Variants in CHRM3 observed in about 807,000 individuals in gnomAD.
CHRM3 encodes muscarinic acetylcholine receptor M3.
In CHRM3, 11 loss-of-function variants were observed where a neutral mutation model predicts 41.8. The observed-to-expected ratio is 0.26, with a 90% CI of 0.17 to 0.44. CHRM3 has a LOEUF of 0.44. Among genes scored for constraint, CHRM3 ranks in the 20% least tolerant of loss-of-function variants. The pLI is 1.00. For missense variants in CHRM3, 571 were observed against 745.4 expected (o/e 0.77, Z 2.72); for synonymous variants, 297 against 301.4 (o/e 0.99, Z 0.15).
chr1:239,463,728 A>AT (rs1345092619), intron 1 of CHRM3, among the ~76,000 whole-genome samples: 1 of 151,716 alleles, frequency 6.6e-6, no homozygotes, highest in Non-Finnish European at 1.5e-5. Flanking sequence ...TTTCTAATAC[A>AT]TTTTTTCTAA....
intron 1 of CHRM3, among the ~76,000 whole-genome samples, chr1:239,419,455 A>G (rs1325356510): frequency 6.6e-6 from 1 of 151,582 alleles, no homozygotes; most frequent in Non-Finnish European, 1.5e-5. Flanking sequence ...TGTAGATATA[A>G]CTTGTCTTGA....
chr1:239,654,063 A>G (rs1672483354), intron 4 of CHRM3, among the ~76,000 whole-genome samples: 1 of 152,138 alleles, frequency 6.6e-6, no homozygotes, highest in Non-Finnish European at 1.5e-5. Context: ...CCAGGCTCGA[A>G]CAGTCCTCCC....
chr1:239,540,451 A>G (rs1227458868), intron 2 of CHRM3, among the ~76,000 whole-genome samples: 2 of 152,220 alleles, frequency 1.3e-5, no homozygotes, highest in Non-Finnish European at 2.9e-5. Context: ...AGATAAACAA[A>G]CAGCTCTTAC....
chr1:239,736,060 T>C (rs1363398952), intron 5 of CHRM3, among the ~76,000 whole-genome samples: 1 of 152,112 alleles, frequency 6.6e-6, no homozygotes, highest in East Asian at 1.9e-4. Context: ...CCTAATGTTA[T>C]TATATTCCCC....
At chr1:239,452,861 C>T (rs1664654119) in intron 1 of CHRM3, among the ~76,000 whole-genome samples, 1 of 152,164 alleles carries the variant, frequency 6.6e-6, no homozygotes, top group Non-Finnish European at 1.5e-5. Context: ...AGTGCAGTGG[C>T]GTGATCTGGG....
chr1:239,866,803 A>T (rs1324523918), intron 6 of CHRM3, among the ~76,000 whole-genome samples: 2 of 152,194 alleles, frequency 1.3e-5, no homozygotes, highest in Admixed American at 1.3e-4. Flanking sequence ...TTGCCTATAA[A>T]AGTAGTAAAT....
chr1:239,618,678 A>T (rs1667964695), intron 3 of CHRM3, among the ~76,000 whole-genome samples: 1 of 150,874 alleles, frequency 6.6e-6, no homozygotes, highest in South Asian at 2.1e-4. Context: ...CCCCGTCTCT[A>T]CTAAAAATAC....
chr1:239,402,745 A>G (rs1362442799), intron 1 of CHRM3, among the ~76,000 whole-genome samples: 1 of 152,184 alleles, frequency 6.6e-6, no homozygotes, highest in Non-Finnish European at 1.5e-5. Context: ...TCTAGTGGAT[A>G]CCAAAATCAC....
In CHRM3 at chr1:239,680,665, T is replaced by A. The variant is rs541639122; in HGVS notation, c.-147+2377T>A. ...GTATGATTCAGCCAACAAAATTTGA[T>A]ATGGGTGAATTTTTAGGCAGAATAA... On this transcript the variant is annotated intron_variant, in intron 5 of 6. Transcript: ENST00000676153. 2.5e-4 allele frequency among the ~76,000 whole-genome samples: 38 copies of A among 152,034 alleles called. No individual in the cohort carries two copies. The South Asian group carries it at 7.5e-3, about 30-fold the overall frequency.
At position 239,908,331 on chromosome 1, in the gene CHRM3, G is replaced by C. The variant is rs768152496; in HGVS notation, c.880G>C (p.Glu294Gln). Residue 294 changes from glutamate to glutamine, a missense_variant, in exon 7 of 7, where the codon GAA (glutamate) becomes CAA (glutamine). Physicochemically the swap from Glu to Gln is conservative, Grantham distance 29. This residue lies in a region of CHRM3 where 239 missense variants were observed against 239.6 expected (regional missense o/e 1.00). Coordinates refer to ENST00000676153, the MANE Select transcript of CHRM3 (RefSeq NM_001375978.1). This position sits in a 1 kb window ranked among gnomAD's most constrained non-coding sequence, Gnocchi z 7.2. ...TGSSRSCSSY[E>Q]LQQQSMKRSN... is the part of the protein sequence containing the mutation. ...CAGTTCTCGAAGCTGCAGCAGTTAC[G>C]AACTTCAACAGCAAAGCATGAAACG... 1 of 1,614,076 alleles carries C rather than the reference G, an allele frequency of 6.2e-7. No homozygotes were observed. The highest frequency in any genetic ancestry group is 1.7e-5 in the Admixed American group (1 of 60,022).
chr1:239,812,164 C>T (rs61831560), intron 5 of CHRM3, among the ~76,000 whole-genome samples: 7,702 of 152,214 alleles, frequency 0.051, 219 homozygotes, highest in African/African-American at 0.077. Context: ...CTCAGCCTCC[C>T]GAGTAGCTGG....
In CHRM3 at chr1:239,404,404, GAAAGAAAAAGAAAGAAAGAA is replaced by G. The variant is rs1660331688; in HGVS notation, c.-521+17179_-521+17198del. Reference sequence around the variant, plus strand: ...AGAAAGAAAGAAAGAAAGAAAGAAAGAAAGAAAAAGAAAGAAAGAAAGAAAGAAAGAAAGAAAGAAAGAAA... The same window carrying G: ...AGAAAGAAAGAAAGAAAGAAAGAAAGAGAAAGAAAGAAAGAAAGAAAGAAA... On this transcript the variant is annotated intron_variant, in intron 1 of 6. Coordinates refer to ENST00000676153, the MANE Select transcript of CHRM3 (RefSeq NM_001375978.1). Among the ~76,000 whole-genome samples the G allele has an allele frequency of 4.7e-3, 274 of 57,908 alleles. 11 individuals carry two copies. Among genetic ancestry groups the G allele is most frequent in the Admixed American group, 0.028 (145 of 5,246 alleles). The allele number at this position is 57,908 out of a possible 152,430, so 38.0% of individuals were successfully genotyped here.
intron 5 of CHRM3, among the ~76,000 whole-genome samples, chr1:239,741,356 A>T (rs1350851031): frequency 2.0e-5 from 3 of 152,142 alleles, no homozygotes; most frequent in Non-Finnish European, 4.4e-5. Flanking sequence ...AAAGATAGGG[A>T]TATTCCTGGC....
chr1:239,813,838 A>C (rs1671328541), intron 5 of CHRM3, among the ~76,000 whole-genome samples: 1 of 133,386 alleles, frequency 7.5e-6, no homozygotes, highest in African/African-American at 3.2e-5. Context: ...AATGGCGTGA[A>C]CCCGGGAGGC....
intron 6 of CHRM3, among the ~76,000 whole-genome samples, chr1:239,858,561 C>T (rs911505882): frequency 3.4e-5 from 5 of 147,774 alleles, no homozygotes; most frequent in Non-Finnish European, 7.4e-5. Context: ...TTGCCTCTTA[C>T]AATTTGGGTT....
chr1:239,556,204 A>G (rs979422551), intron 3 of CHRM3, among the ~76,000 whole-genome samples: 3 of 152,156 alleles, frequency 2.0e-5, no homozygotes, highest in African/African-American at 7.2e-5. Flanking sequence ...CTCTGAATAC[A>G]TGATTTTGGT....
intron 5 of CHRM3, among the ~76,000 whole-genome samples, chr1:239,761,476 A>G (rs1347251418): frequency 6.6e-6 from 1 of 152,210 alleles, no homozygotes; most frequent in Non-Finnish European, 1.5e-5. Flanking sequence ...TGCTGGGGAC[A>G]TCACTGGGTC....
intron 1 of CHRM3, among the ~76,000 whole-genome samples, chr1:239,445,529 T>C (rs1664061203): frequency 6.6e-6 from 1 of 152,130 alleles, no homozygotes; most frequent in Admixed American, 6.5e-5. Context: ...CTGTCTAAGA[T>C]GTGGTGTGGA....
chr1:239,611,688 G>T (rs975572775), intron 3 of CHRM3, among the ~76,000 whole-genome samples: 2 of 152,000 alleles, frequency 1.3e-5, no homozygotes, highest in Non-Finnish European at 2.9e-5. Context: ...CAAAGTGCTG[G>T]GATTACAGGC....
Sources: gnomAD v4.1 joint callset for allele counts (sites outside exome capture counted in the v4.1 genomes callset) on GRCh38, gnomAD v4.1.1 for gene constraint, gnomAD v4.1.1 regional missense constraint, Gnocchi (gnomAD v3.1) non-coding constraint, MANE v1.5 for transcripts, NCBI Gene and HGNC (gene_info 2026-07-23, HGNC 2026-07-21) for gene names.